The following MGST1 variants were observed in gnomAD, a reference collection of about 807,000 sequenced individuals.
MGST1 encodes microsomal glutathione S-transferase 1.
In MGST1, 5 loss-of-function variants were observed where a neutral mutation model predicts 8.9. The observed-to-expected ratio is 0.56, with a 90% CI of 0.29 to 1.19. The LOEUF (loss-of-function observed/expected upper bound fraction) is 1.19, where lower values mean the gene tolerates loss of function less well. Among genes scored for constraint, MGST1 ranks in the 50% most tolerant of loss-of-function variants. The pLI is 0.08. For synonymous variants in MGST1, 54 were observed against 67.8 expected (o/e 0.80, Z 1.00); for missense variants, 182 against 187.4 (o/e 0.97, Z 0.17).
At position 16,389,552 on chromosome 12, in the gene MGST1, G is replaced by C. The variant is rs1940532158; in HGVS notation, n.778+5948G>C. On this transcript the variant is annotated intron_variant and non_coding_transcript_variant, in intron 1 of 1. Transcript: ENST00000359720. This position sits in a 1 kb window ranked among gnomAD's most constrained non-coding sequence, Gnocchi z 4.6. ...ATTGGGTTTTCCCTGCCCTTCTTAG[G>C]ATAGCCAGTAGAAAAATGGGGTTTC... Among the ~76,000 whole-genome samples, 1 of 152,128 alleles carries C rather than the reference G, an allele frequency of 6.6e-6. No homozygotes were observed. The highest frequency in any genetic ancestry group is 2.4e-5 in the African/African-American group (1 of 41,428).
upstream of MGST1, chr12:16,382,787 C>T (rs960441138): frequency 6.5e-6 from 1 of 152,702 alleles, no homozygotes; most frequent in African/African-American, 2.4e-5. Context: ...GTGGGCTCCA[C>T]CCAGTTCCAG....
In MGST1 at chr12:16,361,572, C is replaced by T. The variant is rs541545116; in HGVS notation, c.222-2223C>T. ...ATGGCACTAACGTGAAGGAAGCTGC[C>T]GCTCCAGGAAGGAGTCTGTCGTTGG... is the stretch of plus-strand genomic sequence containing the variant. On this transcript the variant is annotated intron_variant, in intron 3 of 3. Transcript: ENST00000396210. The surrounding 1 kb of genome is among the most constrained non-coding windows in gnomAD (Gnocchi z 4.2). Among the ~76,000 whole-genome samples, 16 of 152,202 alleles carry T rather than the reference C, an allele frequency of 1.1e-4. No individual in the cohort carries two copies. Among genetic ancestry groups the T allele is most frequent in the Non-Finnish European group, 2.2e-4 (15 of 68,004 alleles).
intron 1 of MGST1, among the ~76,000 whole-genome samples, chr12:16,393,129 A>G (rs1431364573): frequency 6.6e-6 from 1 of 152,160 alleles, no homozygotes; most frequent in Non-Finnish European, 1.5e-5. Context: ...AATTGTTTAG[A>G]GACATATGAC....
intron 4 of MGST1, among the ~76,000 whole-genome samples, chr12:16,489,438 G>C (rs906433962): frequency 6.6e-6 from 1 of 152,048 alleles, no homozygotes; most frequent in Non-Finnish European, 1.5e-5. Flanking sequence ...AGCTCATAAT[G>C]GGATATCTGG....
At chr12:16,532,849 C>T (rs903283167) in intron 4 of MGST1, among the ~76,000 whole-genome samples, 1 of 152,060 alleles carries the variant, frequency 6.6e-6, no homozygotes, top group African/African-American at 2.4e-5. Context: ...TAAAACATGG[C>T]TCTTTTGTCT....
chr12:16,526,930 C>T (rs1456094506), intron 4 of MGST1, among the ~76,000 whole-genome samples: 1 of 151,944 alleles, frequency 6.6e-6, no homozygotes, highest in Admixed American at 6.6e-5. Context: ...CTCCTGTGAA[C>T]AAGAACTTAG....
intron 4 of MGST1, among the ~76,000 whole-genome samples, chr12:16,463,515 G>A (rs1941234555): frequency 1.3e-5 from 2 of 151,886 alleles, no homozygotes; most frequent in Non-Finnish European, 2.9e-5. Context: ...GATGATCTGT[G>A]CAGTAAAACA....
chr12:16,371,956 G>A (rs1266759829), intron 3 of MGST1, among the ~76,000 whole-genome samples: 1 of 152,018 alleles, frequency 6.6e-6, no homozygotes, highest in Non-Finnish European at 1.5e-5. Context: ...TTCAATAAAT[G>A]CTACTGGGAA....
rs1384851295 is a variant in MGST1, at chr12:16,500,934, T to C, written n.483-88594T>C. On this transcript the variant is annotated intron_variant and non_coding_transcript_variant, in intron 4 of 4. Coordinates refer to the MGST1 transcript ENST00000538857. The surrounding 1 kb of genome is among the most constrained non-coding windows in gnomAD (Gnocchi z 4.3). ...TCCTGGCCAAAATGGTGAAACCCTG[T>C]CTGTGCTGAAAATACAAAAAACTTA... 6.6e-6 allele frequency among the ~76,000 whole-genome samples: 1 copy of C among 151,956 alleles called. No homozygotes were observed. Among genetic ancestry groups the C allele is most frequent in the Non-Finnish European group, 1.5e-5 (1 of 67,974 alleles).
chr12:16,590,441 G>A (rs1458784496), downstream of MGST1, among the ~76,000 whole-genome samples: 2 of 151,930 alleles, frequency 1.3e-5, no homozygotes, highest in East Asian at 3.9e-4. Context: ...TATTTTACAT[G>A]TTTTGTAACT....
intron 4 of MGST1, among the ~76,000 whole-genome samples, chr12:16,450,683 G>T (rs1476547789): frequency 6.6e-6 from 1 of 151,938 alleles, no homozygotes; most frequent in Non-Finnish European, 1.5e-5. Context: ...TTTCAAAGGG[G>T]CACCCCTATG....
Position 16,560,653 on chromosome 12 carries a change from G to A in MGST1, n.483-28875G>A, listed in dbSNP as rs1246404932. The A allele has an allele frequency of 1.7e-5, 15 of 894,012 alleles. No individual in the cohort carries two copies. The highest frequency in any genetic ancestry group is 1.7e-6 in the Non-Finnish European group (1 of 582,266). 55.4% of individuals were successfully genotyped at this position (894,012 alleles called of 1,614,324 possible). On this transcript the variant is annotated intron_variant and non_coding_transcript_variant, in intron 4 of 4. Coordinates refer to the MGST1 transcript ENST00000538857. This position sits in a 1 kb window ranked among gnomAD's most constrained non-coding sequence, Gnocchi z 5.0. ...GCTACAATACACAATGCTTTATGAT[G>A]TACACAAGTGGATTTTATCCTAGGT...
intron 1 of MGST1, chr12:16,399,499 C>A (rs1591717466): frequency 6.4e-7 from 1 of 1,562,170 alleles, no homozygotes; most frequent in Non-Finnish European, 8.8e-7. Flanking sequence ...CCCAACGACT[C>A]CTTAGAAGAG....
At chr12:16,441,593 C>T (rs1164471868), downstream of MGST1, among the ~76,000 whole-genome samples, 1 of 151,782 alleles carries the variant, frequency 6.6e-6, no homozygotes, top group Non-Finnish European at 1.5e-5. Flanking sequence ...AGTATGTAGC[C>T]TTTTCAAATC....
chr12:16,353,462 C>G (rs897339951), intron 1 of MGST1: 1 of 152,152 alleles, frequency 6.6e-6, no homozygotes, highest in Non-Finnish European at 1.5e-5. Context: ...ACTGAAATGA[C>G]AAGTTGTAAG....
chr12:16,577,644 C>A (rs772765933), intron 4 of MGST1, among the ~76,000 whole-genome samples: 32 of 152,096 alleles, frequency 2.1e-4, no homozygotes, highest in Non-Finnish European at 3.7e-4. Flanking sequence ...TAATAACAAA[C>A]AAACAGAAAG....
At chr12:16,352,172 G>T (rs2947104) in intron 1 of MGST1, among the ~76,000 whole-genome samples, 95,441 of 151,554 alleles carry the variant, frequency 0.63, 31,389 homozygotes, top group Non-Finnish European at 0.73. Flanking sequence ...ATTAACAAAG[G>T]TGATGAAAGT....
rs145568614 is a variant in MGST1 at position 16,545,597 on chromosome 12, T to A, written n.483-43931T>A. On this transcript the variant is annotated intron_variant and non_coding_transcript_variant, in intron 4 of 4. Coordinates refer to the MGST1 transcript ENST00000538857. ...CACATTATTATGGCATATTTATCCT[T>A]ATGCTGAAACTCGCAACTTTTTACT... is the stretch of plus-strand genomic sequence containing the variant. Among the ~76,000 whole-genome samples, 4 of 152,208 alleles carry A rather than the reference T, an allele frequency of 2.6e-5. No individual in the cohort carries two copies. The East Asian group carries it at 7.7e-4, about 29-fold the overall frequency.
chr12:16,386,358 C>T (rs181018894), intron 1 of MGST1, among the ~76,000 whole-genome samples: 1 of 152,294 alleles, frequency 6.6e-6, no homozygotes, highest in East Asian at 1.9e-4. Context: ...GCATGTCACC[C>T]AAGCTAGGAC....
Sources: gnomAD v4.1 joint callset for allele counts (sites outside exome capture counted in the v4.1 genomes callset) on GRCh38, gnomAD v4.1.1 for gene constraint, Gnocchi (gnomAD v3.1) non-coding constraint, MANE v1.5 for transcripts, NCBI Gene and HGNC (gene_info 2026-07-23, HGNC 2026-07-21) for gene names.